The following SRPK2 variants were observed in gnomAD, a reference collection of about 807,000 sequenced individuals.
The protein encoded by SRPK2 is SFRS protein kinase 2.
In SRPK2, 21 loss-of-function variants were observed where a neutral mutation model predicts 90.8. The observed-to-expected ratio is 0.23, with a 90% CI of 0.16 to 0.33. The LOEUF is 0.33. SRPK2 is among the 10% of genes least tolerant of loss of function. SRPK2 has a pLI of 1.00. For missense variants in SRPK2, 620 were observed against 869.0 expected, an observed-to-expected ratio of 0.71 and a Z score of 3.60; for synonymous variants, 288 against 311.1, an observed-to-expected ratio of 0.93 and a Z score of 0.78.
intron 3 of SRPK2, among the ~76,000 whole-genome samples, chr7:105,177,083 A>T (rs1792062553): frequency 6.6e-6 from 1 of 152,142 alleles, no homozygotes; most frequent in Non-Finnish European, 1.5e-5. Context: ...GCTAATATTA[A>T]CCACTTCCAA....
At chr7:105,130,838 G>A (rs1309663758) in intron 13 of SRPK2, among the ~76,000 whole-genome samples, 1 of 151,518 alleles carries the variant, frequency 6.6e-6, no homozygotes, top group African/African-American at 2.4e-5. Context: ...ACAACCAACT[G>A]AAAAAGCAAA....
intron 2 of SRPK2, among the ~76,000 whole-genome samples, chr7:105,323,967 T>TTGTGTGTG (rs58288208): frequency 0.024 from 3,166 of 133,722 alleles, 37 homozygotes; most frequent in East Asian, 0.046. Context: ...AGACTATTCT[T>TTGTGTGTG]TGTGTGTGTG....
intron 3 of SRPK2, among the ~76,000 whole-genome samples, chr7:105,178,212 CTAA>C (rs541957119): frequency 4.6e-5 from 7 of 151,798 alleles, no homozygotes; most frequent in Non-Finnish European, 4.4e-5. Flanking sequence ...AGCAAAAACA[CTAA>C]TAATAATAAT....
rs371225245 is a variant in SRPK2 at position 105,349,607 on chromosome 7, A to C, written c.71+39041T>G. On this transcript the variant is annotated intron_variant, in intron 2 of 15. Coordinates refer to ENST00000393651, the MANE Select transcript of SRPK2 (RefSeq NM_182692.3). The stretch of plus-strand genomic sequence containing the variant: ...CAACCACACCTTAATATCCTATGTA[A>C]TCAGAGATTCTTCACAAATATCCAT... Among the ~76,000 whole-genome samples, 13 of 152,278 alleles carry C rather than the reference A, an allele frequency of 8.5e-5. No homozygotes were observed. The East Asian group carries it at 1.7e-3, about 20-fold the overall frequency.
intron 2 of SRPK2, among the ~76,000 whole-genome samples, chr7:105,380,341 A>T (rs1820795368): frequency 6.6e-6 from 1 of 152,028 alleles, no homozygotes; most frequent in Non-Finnish European, 1.5e-5. Context: ...CATGTTGGCC[A>T]GGCTGGTCTC....
intron 14 of SRPK2, 143 bp from the exon 15 acceptor site, chr7:105,126,483 T>G: frequency 1.5e-6 from 1 of 656,850 alleles, no homozygotes; most frequent in Non-Finnish European, 2.6e-6. Flanking sequence ...ATGCAGAGGC[T>G]TGTGGGAATG....
intron 2 of SRPK2, among the ~76,000 whole-genome samples, chr7:105,228,910 C>G (rs1326238334): frequency 2.6e-5 from 4 of 152,210 alleles, no homozygotes; most frequent in African/African-American, 9.7e-5. Flanking sequence ...ACAGGGCGCC[C>G]CTGTTACAAG....
chr7:105,274,423 G>A (rs1053755782), intron 2 of SRPK2, among the ~76,000 whole-genome samples: 16 of 152,092 alleles, frequency 1.1e-4, no homozygotes, highest in African/African-American at 3.9e-4. Context: ...TTAGCCTGGC[G>A]TGGTGGCAGA....
At chr7:105,203,099 C>T (rs1795762385) in intron 3 of SRPK2, among the ~76,000 whole-genome samples, 1 of 152,174 alleles carries the variant, frequency 6.6e-6, no homozygotes, top group South Asian at 2.1e-4. Flanking sequence ...AGTGTTCCTC[C>T]CACCTTAGCG....
At chr7:105,177,536 T>G (rs541489695) in intron 3 of SRPK2, among the ~76,000 whole-genome samples, 3 of 152,164 alleles carry the variant, frequency 2.0e-5, no homozygotes, top group African/African-American at 4.8e-5. Flanking sequence ...AGAGTTAAAA[T>G]GTAAGTTTTT....
Position 105,160,489 on chromosome 7 carries a change from T to G in SRPK2, c.621+18A>C. On this transcript the variant is annotated intron_variant, in intron 7 of 15. Coordinates refer to ENST00000393651, the MANE Select transcript of SRPK2 (RefSeq NM_182692.3). ...CAATTAGGTACTAGGGCCTAGGGGC[T>G]GCCGTCAAAAGTCTCACCTGTCGAA... The G allele has an allele frequency of 6.6e-7, 1 of 1,515,742 alleles. No homozygotes were observed. The highest frequency in any genetic ancestry group is 9.2e-7 in the Non-Finnish European group (1 of 1,090,314). The allele number at this position is 1,515,742 out of a possible 1,614,324, so 93.9% of individuals were successfully genotyped here. A position where few individuals can be genotyped will look rare whatever the true frequency, so the allele number is the denominator to read the frequency against.
At chr7:105,119,431 T>C (rs1800017256) in intron 15 of SRPK2, among the ~76,000 whole-genome samples, 1 of 152,204 alleles carries the variant, frequency 6.6e-6, no homozygotes, top group Admixed American at 6.5e-5. Flanking sequence ...TTTGTGTCTA[T>C]TGTGAAGAGT....
intron 3 of SRPK2, among the ~76,000 whole-genome samples, chr7:105,170,785 G>GGAAGGAAGGAAGGA (rs1563024392): frequency 2.0e-5 from 1 of 49,058 alleles, no homozygotes; most frequent in Non-Finnish European, 4.0e-5. Flanking sequence ...GGAAGGACGG[G>GGAAGGAAGGAAGGA]AGGGAGGGAG....
intron 2 of SRPK2, among the ~76,000 whole-genome samples, chr7:105,364,547 C>T (rs903486906): frequency 6.6e-5 from 10 of 152,016 alleles, no homozygotes; most frequent in African/African-American, 2.2e-4. Flanking sequence ...ATTACAGGTA[C>T]CCGCCATCAT....
chr7:105,330,502 C>T (rs1351989804), intron 2 of SRPK2, among the ~76,000 whole-genome samples: 3 of 152,002 alleles, frequency 2.0e-5, no homozygotes, highest in Non-Finnish European at 4.4e-5. Context: ...CAAACATTAA[C>T]AACAGGGGAA....
intron 2 of SRPK2, among the ~76,000 whole-genome samples, chr7:105,254,058 C>T (rs1478761881): frequency 6.6e-6 from 1 of 152,170 alleles, no homozygotes; most frequent in Admixed American, 6.5e-5. Context: ...GTGACTATGT[C>T]ACTTAACTGC....
chr7:105,134,780 G>T (rs1802555059), intron 11 of SRPK2, among the ~76,000 whole-genome samples: 1 of 152,208 alleles, frequency 6.6e-6, no homozygotes. Context: ...GACGCCAAGA[G>T]AATTCTGACC....
At chr7:105,330,466 T>C (rs921916910) in intron 2 of SRPK2, among the ~76,000 whole-genome samples, 11 of 152,024 alleles carry the variant, frequency 7.2e-5, no homozygotes, top group African/African-American at 2.2e-4. Flanking sequence ...TTTATAATGG[T>C]TGGGAAAAAA....
In SRPK2 at chr7:105,119,582, A is replaced by G. The variant is rs1175660662; in HGVS notation, c.1916-1560T>C. Among the ~76,000 whole-genome samples, 3 of 152,216 alleles carry G rather than the reference A, an allele frequency of 2.0e-5. No homozygotes were observed. In the East Asian group the frequency reaches 5.8e-4, roughly 29 times the overall value. On this transcript the variant is annotated intron_variant, in intron 15 of 15. Transcript: ENST00000393651. Reference sequence around the variant, plus strand: ...TGTTTCCAATATGAGGACTGGAGCTAGAGTAAAGCATCGCATCCAGACTAG... The same window carrying G: ...TGTTTCCAATATGAGGACTGGAGCTGGAGTAAAGCATCGCATCCAGACTAG...
Sources: gnomAD v4.1 joint callset for allele counts (sites outside exome capture counted in the v4.1 genomes callset) on GRCh38, gnomAD v4.1.1 for gene constraint, MANE v1.5 for transcripts, NCBI Gene and HGNC (gene_info 2026-07-23, HGNC 2026-07-21) for gene names.